Variants in MORC2 observed in about 807,000 individuals in gnomAD.
MORC2 encodes MORC family CW-type zinc finger 2, also known as ATPase MORC2.
Under a neutral mutation model 136.0 loss-of-function variants are expected in MORC2, and 30 were observed. The observed-to-expected ratio is 0.22, with a 90% confidence interval of 0.17 to 0.30. The LOEUF (loss-of-function observed/expected upper bound fraction) is 0.30. Ranked by LOEUF, MORC2 falls within the 10% of genes least tolerant of loss-of-function variation. The probability of loss-of-function intolerance (pLI) is 1.00; values close to 1 mark genes in which losing one functional copy is unlikely to be tolerated. For missense variants in MORC2, 922 were observed against 1,333.1 expected, an observed-to-expected ratio of 0.69 and a Z score of 4.80; for synonymous variants, 439 against 487.0, an observed-to-expected ratio of 0.90 and a Z score of 1.30.
chr22:30,944,741 C>T (rs1410138655), intron 6 of MORC2, among the ~76,000 whole-genome samples: 2 of 152,228 alleles, frequency 1.3e-5, no homozygotes, highest in East Asian at 1.9e-4. Context: ...CCCTGCTTCG[C>T]TTTCGCCTTC....
rs5997818 is a variant in MORC2, at chr22:30,950,841, T to C, written c.158-396A>G. The stretch of plus-strand genomic sequence containing the variant: ...CTAAAGTACTCCAACTACCACACAC[T>C]GTACTTTATCAATACTGCTCAAACT... On this transcript the variant is annotated intron_variant, in intron 3 of 25. Transcript: ENST00000397641. Among the ~76,000 whole-genome samples, 1,209 of 152,338 alleles carry C rather than the reference T, an allele frequency of 7.9e-3. 2 individuals carry two copies. The highest frequency in any genetic ancestry group is 0.017 in the Middle Eastern group (5 of 294).
intron 20 of MORC2, 136 bp downstream of exon 20, chr22:30,933,924 T>TGGGG (rs534128281): frequency 1.0e-6 from 1 of 975,782 alleles, no homozygotes; most frequent in South Asian, 1.6e-5. Flanking sequence ...AGACTGCTGG[T>TGGGG]GGGGGGGGTA....
intron 3 of MORC2, among the ~76,000 whole-genome samples, chr22:30,952,092 AATC>A (rs2040896472): frequency 6.6e-6 from 1 of 152,216 alleles, no homozygotes; most frequent in South Asian, 2.1e-4. Context: ...CAGTGCCTCT[AATC>A]AGAGTCTGGG....
intron 6 of MORC2, among the ~76,000 whole-genome samples, chr22:30,944,356 C>T (rs2040784751): frequency 6.6e-6 from 1 of 152,150 alleles, no homozygotes; most frequent in Non-Finnish European, 1.5e-5. Context: ...GCTTTCACTC[C>T]CATGGGCACC....
At chr22:30,945,533 C>G (rs1229718514) in intron 6 of MORC2, among the ~76,000 whole-genome samples, 1 of 152,162 alleles carries the variant, frequency 6.6e-6, no homozygotes, top group East Asian at 1.9e-4. Context: ...CCATGTCTTA[C>G]ATAGGAAAGG....
rs776985728 is a variant in MORC2 at position 30,968,262 on chromosome 22, T to C, written c.-373A>G. 31 of 161,688 alleles carry C rather than the reference T, an allele frequency of 1.9e-4. No homozygotes were observed. The highest frequency in any genetic ancestry group is 3.9e-4 in the Non-Finnish European group (29 of 74,170). The allele number at this position is 161,688 out of a possible 1,614,324, so 10.0% of individuals were successfully genotyped here. A position where few individuals can be genotyped will look rare whatever the true frequency, so the allele number is the denominator to read the frequency against. On this transcript the variant is annotated 5_prime_UTR_variant, in exon 1 of 26. An upstream start codon of the reference 5' UTR is lost. Transcript: ENST00000397641. ...GTGGTTTATGACTGCTCCATCTTCATGTTCTTCCAGCCTTTTTTGGTTCCC... is the reference window on the plus strand; with the variant it reads ...GTGGTTTATGACTGCTCCATCTTCACGTTCTTCCAGCCTTTTTTGGTTCCC...
At chr22:30,950,351 C>T in intron 4 of MORC2, 26 bp downstream of exon 4, 2 of 1,380,296 alleles carry the variant, frequency 1.4e-6, no homozygotes, top group Non-Finnish European at 2.1e-6. Flanking sequence ...CCCCCCACCC[C>T]CCAAAACAAT....
Position 30,934,930 on chromosome 22 carries a change from CGA to C in MORC2, c.2042_2043del (p.Leu681ArgfsTer54). ...GGGGCAGGTCGGGATGCAGTCTTGA[CGA>C]GAGTGTTGGCAGGCTTTCGGGGTGC... ...PEAPRKPANTLVKTASRPAPL... is the reference protein window; with the variant it reads ...PEAPRKPANTXVKTASRPAPL... On this transcript the variant is annotated frameshift_variant, in exon 19 of 26. Coordinates refer to ENST00000397641, the MANE Select transcript of MORC2 (RefSeq NM_001303256.3). LOFTEE classifies it high-confidence loss of function. This position sits in a 1 kb window ranked among gnomAD's most constrained non-coding sequence, Gnocchi z 4.4. 6.2e-7 allele frequency: 1 copy of C among 1,614,030 alleles called. No homozygotes were observed. Among genetic ancestry groups the C allele is most frequent in the Non-Finnish European group, 8.5e-7 (1 of 1,180,016 alleles).
In MORC2 at chr22:30,936,511, C is replaced by T. The variant is rs1328738044; in HGVS notation, c.1737G>A (p.Gln579=). Residue 579 remains glutamine (Q), a splice_region_variant and synonymous_variant, in exon 17 of 26, where the codon CAG becomes CAA. Transcript: ENST00000397641. ...RQQQEKLEAL[Q]KTTPIRSQAD... ...TGCCCACTGACCATGACCCACGTAC[C>T]TGAAGGGCCTCCAGCTTCTCCTGCT... The T allele has an allele frequency of 2.5e-6, 4 of 1,613,946 alleles. No individual in the cohort carries two copies. The highest frequency in any genetic ancestry group is 1.7e-6 in the Non-Finnish European group (2 of 1,179,980).
rs1309955820 is a variant in MORC2 at position 30,934,915 on chromosome 22, G to A, written c.2059C>T (p.Arg687Ter). The A allele has an allele frequency of 1.2e-6, 2 of 1,614,004 alleles. No individual in the cohort carries two copies. Among genetic ancestry groups the A allele is most frequent in the African/African-American group, 1.3e-5 (1 of 74,902 alleles). ...AGTTGCTGCACCAGAGGGGCAGGTC[G>A]GGATGCAGTCTTGACGAGAGTGTTG... ...PANTLVKTAS[R>*]PAPLVQQLSP... The change falls in exon 19 of 26, where the codon CGA becomes TGA. Residue 687 changes from arginine to a stop codon, truncating the protein, a stop_gained. Transcript: ENST00000397641. LOFTEE classifies it high-confidence loss of function. The surrounding 1 kb of genome is among the most constrained non-coding windows in gnomAD (Gnocchi z 4.4).
rs2040667143 is a variant in MORC2 at position 30,937,183 on chromosome 22, G to A, written c.1499-146C>T. 3.0e-6 allele frequency: 2 copies of A among 657,774 alleles called. No individual in the cohort carries two copies. The highest frequency in any genetic ancestry group is 1.8e-5 in the South Asian group (1 of 54,878). The allele number at this position is 657,774 out of a possible 1,614,324, so 40.7% of individuals were successfully genotyped here. ...GGCTCCAACTCTGCCTATCCTTAGA[G>A]AATACTAATTCTTCTCAGGGACACT... On this transcript the variant is annotated intron_variant, in intron 15 of 25. Transcript: ENST00000397641. This position sits in a 1 kb window ranked among gnomAD's most constrained non-coding sequence, Gnocchi z 4.7.
rs1032069292 is a variant in MORC2, at chr22:30,941,551, C to G, written c.706G>C (p.Glu236Gln). 1.2e-6 allele frequency: 2 copies of G among 1,612,940 alleles called. No homozygotes were observed. Among genetic ancestry groups the G allele is most frequent in the African/African-American group, 2.7e-5 (2 of 74,924 alleles). Residue 236 changes from glutamate to glutamine, a missense_variant, in exon 9 of 26, where the codon GAG becomes CAG. Around this residue, in one of 9 missense-constraint regions of MORC2, gnomAD observed 261 missense variants for 354.3 expected, o/e 0.74. Transcript: ENST00000397641. The surrounding 1 kb of genome is among the most constrained non-coding windows in gnomAD (Gnocchi z 4.6). ...GCATAGGCACGGAACGAGCGCCGCT[C>G]TGGCTTCCTGGAGAGGGCAAAAACA... is the stretch of plus-strand genomic sequence containing the variant. ...AETSPEGTKPERRSFRAYAAV... is the reference protein window; with the variant it reads ...AETSPEGTKPQRRSFRAYAAV...
At chr22:30,943,577 G>A (rs1462923408) in intron 6 of MORC2, among the ~76,000 whole-genome samples, 1 of 152,166 alleles carries the variant, frequency 6.6e-6, no homozygotes, top group East Asian at 1.9e-4. Context: ...CGCAGCCCTT[G>A]CAGAGCCCTG....
At chr22:30,938,355 T>C in intron 12 of MORC2, 150 bp from the exon 13 acceptor site, 1 of 875,754 alleles carries the variant, frequency 1.1e-6, no homozygotes, top group East Asian at 2.7e-5. Context: ...AGACTTGATA[T>C]GGACATGCAC....
intron 24 of MORC2, among the ~76,000 whole-genome samples, chr22:30,928,666 C>T (rs770232294): frequency 3.3e-5 from 5 of 152,198 alleles, no homozygotes; most frequent in Admixed American, 2.0e-4. Flanking sequence ...ATCTCCAGAT[C>T]TGTGGAGTAG....
chr22:30,958,785 T>C (rs950994686), intron 1 of MORC2, 91 bp from the exon 2 acceptor site: 1 of 1,241,296 alleles, frequency 8.1e-7, no homozygotes, highest in Non-Finnish European at 1.1e-6. Context: ...TTAAGTTTTT[T>C]GAAAAAAATC....
intron 24 of MORC2, among the ~76,000 whole-genome samples, chr22:30,929,136 A>G (rs1339474001): frequency 6.6e-6 from 1 of 152,246 alleles, no homozygotes; most frequent in Non-Finnish European, 1.5e-5. Flanking sequence ...CAAGATAGCA[A>G]GAGAAACTTC....
chr22:30,952,834 G>T (rs567717478), intron 3 of MORC2, among the ~76,000 whole-genome samples: 11 of 152,348 alleles, frequency 7.2e-5, no homozygotes, highest in African/African-American at 2.6e-4. Flanking sequence ...ACATCTAATG[G>T]ATTCTACTGC....
At chr22:30,927,912 A>G in intron 25 of MORC2, 107 bp downstream of exon 25, 1 of 1,368,200 alleles carries the variant, frequency 7.3e-7, no homozygotes, top group South Asian at 1.3e-5. Flanking sequence ...TGAGAACCAT[A>G]GATTCCTGTG....
Sources: allele counts gnomAD v4.1 joint callset (sites outside exome capture counted in the v4.1 genomes callset), GRCh38; gene constraint gnomAD v4.1.1; regional missense constraint gnomAD v4.1.1; non-coding constraint Gnocchi (gnomAD v3.1); transcripts MANE v1.5; gene names NCBI Gene and HGNC (gene_info 2026-07-23, HGNC 2026-07-21).